PIP5K1C: variants seen among roughly 807,000 people sequenced by gnomAD.
The protein encoded by PIP5K1C is phosphatidylinositol-4-phosphate 5-kinase type 1 gamma, also known as phosphatidylinositol 4-phosphate 5-kinase type-1 gamma.
Under a neutral mutation model 80.1 loss-of-function variants are expected in PIP5K1C, and 45 were observed. The observed-to-expected ratio is 0.56, with a 90% CI of 0.44 to 0.72. PIP5K1C has a LOEUF of 0.72. Among genes scored for constraint, PIP5K1C ranks in the 30% least tolerant of loss-of-function variants. The pLI, the probability that PIP5K1C is intolerant of heterozygous loss-of-function variation, is 0.00. For synonymous variants in PIP5K1C, 498 were observed against 420.1 expected (o/e 1.19, Z -2.27); for missense variants, 753 against 954.6 (o/e 0.79, Z 2.78).
intron 1 of PIP5K1C, among the ~76,000 whole-genome samples, chr19:3,676,584 C>T (rs1474715863): frequency 2.0e-5 from 3 of 152,226 alleles, no homozygotes; most frequent in South Asian, 2.1e-4. Flanking sequence ...GGCCAGGAGG[C>T]GCCTGTGAGC....
At position 3,643,444 on chromosome 19, in the gene PIP5K1C, C is replaced by G; in HGVS notation, c.1511-63G>C. ...CGAGCCCCCAAACACACAGTCGATT[C>G]TCCCTGAGGCTTGGCTCACCCTGGG... On this transcript the variant is annotated intron_variant, in intron 12 of 17. Coordinates refer to ENST00000335312, the MANE Select transcript of PIP5K1C (RefSeq NM_012398.3). 3.1e-6 allele frequency: 5 copies of G among 1,598,080 alleles called. No homozygotes were observed. In the South Asian group the frequency reaches 4.4e-5, roughly 14 times the overall value.
intron 1 of PIP5K1C, among the ~76,000 whole-genome samples, chr19:3,693,693 T>C (rs1217195544): frequency 6.7e-6 from 1 of 148,574 alleles, no homozygotes; most frequent in Non-Finnish European, 1.5e-5. Context: ...ACCCAGGTCG[T>C]GCAGCTTCCC....
At chr19:3,655,474 C>T (rs993392151) in intron 6 of PIP5K1C, among the ~76,000 whole-genome samples, 2 of 152,212 alleles carry the variant, frequency 1.3e-5, no homozygotes, top group African/African-American at 4.8e-5. Flanking sequence ...TTTGATGACA[C>T]GTGAAAGTGA....
chr19:3,691,722 T>C (rs2035957120), intron 1 of PIP5K1C, among the ~76,000 whole-genome samples: 1 of 151,150 alleles, frequency 6.6e-6, no homozygotes, highest in Non-Finnish European at 1.5e-5. Flanking sequence ...TGCATCTGAA[T>C]ACACGTACCA....
chr19:3,636,578 C>A (rs2092924140), intron 16 of PIP5K1C: 1 of 985,476 alleles, frequency 1.0e-6, no homozygotes, highest in Non-Finnish European at 1.2e-6. Context: ...CAGCAGGCCC[C>A]TCTGGGCAGC....
At chr19:3,691,666 C>T (rs914735319) in intron 1 of PIP5K1C, among the ~76,000 whole-genome samples, 3 of 151,968 alleles carry the variant, frequency 2.0e-5, no homozygotes, top group African/African-American at 7.3e-5. Flanking sequence ...TAGCAGTCAC[C>T]TCCTGCTCTC....
At chr19:3,691,249 C>A (rs774642899) in intron 1 of PIP5K1C, among the ~76,000 whole-genome samples, 3 of 152,196 alleles carry the variant, frequency 2.0e-5, no homozygotes, top group Non-Finnish European at 2.9e-5. Context: ...GACGCGTCCT[C>A]CGCTGCCGGA....
chr19:3,656,605 C>G (rs775158498), intron 5 of PIP5K1C, 48 bp from the exon 6 acceptor site: 1 of 1,607,100 alleles, frequency 6.2e-7, no homozygotes, highest in Non-Finnish European at 8.5e-7. Context: ...GCCGGACACA[C>G]AGACAGCACT....
At position 3,637,935 on chromosome 19, in the gene PIP5K1C, G is replaced by A; in HGVS notation, c.1920+949C>T. On this transcript the variant is annotated intron_variant, in intron 16 of 17. Transcript: ENST00000335312. The surrounding 1 kb of genome is among the most constrained non-coding windows in gnomAD (Gnocchi z 7.0). ...AAGGGGTGACGACGTGCGGTGGGTA[G>A]GGGCACAGGCACGCGGCCCGTCCCT... The A allele has an allele frequency of 6.5e-7, 1 of 1,535,242 alleles. No homozygotes were observed. The highest frequency in any genetic ancestry group is 8.7e-7 in the Non-Finnish European group (1 of 1,146,704).
intron 14 of PIP5K1C, 149 bp from the exon 15 acceptor site, chr19:3,641,958 C>G: frequency 1.4e-6 from 1 of 704,660 alleles, no homozygotes; most frequent in Non-Finnish European, 2.5e-6. Flanking sequence ...CACTCCCAGC[C>G]CGGGGACTGT....
At chr19:3,695,598 C>T (rs1041951511) in intron 1 of PIP5K1C, among the ~76,000 whole-genome samples, 1 of 152,208 alleles carries the variant, frequency 6.6e-6, no homozygotes, top group African/African-American at 2.4e-5. Flanking sequence ...CTGTGGTGGT[C>T]ACAGTGCCTG....
intron 1 of PIP5K1C, among the ~76,000 whole-genome samples, chr19:3,689,860 T>C (rs2035889848): frequency 6.6e-6 from 1 of 151,956 alleles, no homozygotes; most frequent in Non-Finnish European, 1.5e-5. Context: ...ACACACAGAA[T>C]GATAAAGACA....
In PIP5K1C at chr19:3,651,916, C is replaced by T; in HGVS notation, c.1037G>A (p.Arg346Gln). ...QGAQSTSDEK[R>Q]PVGQKALYST... Reference sequence around the variant, plus strand: ...GTAGAGCGCCTTCTGGCCCACAGGCCGCTTCTCATCTGAGGTGCTCTGGGC... The same window carrying T: ...GTAGAGCGCCTTCTGGCCCACAGGCTGCTTCTCATCTGAGGTGCTCTGGGC... Residue 346 changes from arginine (R) to glutamine (Q), a missense_variant, in exon 8 of 18, where the codon CGG becomes CAG. Arg to Gln is a conservative substitution (Grantham distance 43, BLOSUM62 1). This residue lies in a region of PIP5K1C where 105 missense variants were observed against 133.4 expected (regional missense o/e 0.79). Coordinates refer to ENST00000335312, the MANE Select transcript of PIP5K1C (RefSeq NM_012398.3). The T allele has an allele frequency of 6.2e-7, 1 of 1,612,866 alleles. No individual in the cohort carries two copies. Among genetic ancestry groups the T allele is most frequent in the Non-Finnish European group, 8.5e-7 (1 of 1,179,940 alleles).
intron 6 of PIP5K1C, among the ~76,000 whole-genome samples, chr19:3,655,684 C>T (rs1456309403): frequency 1.3e-5 from 2 of 152,150 alleles, no homozygotes; most frequent in Non-Finnish European, 2.9e-5. Context: ...CTAAGGAGCC[C>T]GGGCCCCTCG....
chr19:3,667,177 G>A (rs1327923356), intron 2 of PIP5K1C, 145 bp downstream of exon 2: 5 of 718,464 alleles, frequency 7.0e-6, no homozygotes, highest in Admixed American at 2.0e-5. Flanking sequence ...TAGACCTCAC[G>A]TTCATCCTGC....
chr19:3,640,663 G>A (rs972941971), intron 15 of PIP5K1C, among the ~76,000 whole-genome samples: 2 of 151,696 alleles, frequency 1.3e-5, no homozygotes, highest in South Asian at 2.1e-4. Flanking sequence ...TACTTTGGGA[G>A]GCCAAGGTGG....
intron 1 of PIP5K1C, among the ~76,000 whole-genome samples, chr19:3,687,372 G>T (rs2035791730): frequency 6.6e-6 from 1 of 152,076 alleles, no homozygotes; most frequent in South Asian, 2.1e-4. Flanking sequence ...AAAAAGAAAA[G>T]AATTTAAGAA....
intron 7 of PIP5K1C, 88 bp downstream of exon 7, chr19:3,653,202 C>A: frequency 1.5e-6 from 2 of 1,302,962 alleles, no homozygotes; most frequent in South Asian, 2.4e-5. Flanking sequence ...CGGCCTGGCA[C>A]CCTCCCTGGC....
chr19:3,651,089 C>T (rs182906364), intron 8 of PIP5K1C, among the ~76,000 whole-genome samples: 3 of 145,456 alleles, frequency 2.1e-5, no homozygotes, highest in Non-Finnish European at 3.0e-5. Flanking sequence ...GGGTCTCACT[C>T]TGTTGCCCAA....
Sources: allele counts gnomAD v4.1 joint callset (sites outside exome capture counted in the v4.1 genomes callset), GRCh38; gene constraint gnomAD v4.1.1; regional missense constraint gnomAD v4.1.1; non-coding constraint Gnocchi (gnomAD v3.1); transcripts MANE v1.5; gene names NCBI Gene and HGNC (gene_info 2026-07-23, HGNC 2026-07-21).